Variants in GIMD1 observed in about 807,000 individuals in gnomAD.
GIMD1 encodes the protein GIMAP family P-loop NTPase domain containing 1.
Under a neutral mutation model 14.9 loss-of-function variants are expected in GIMD1, and 14 were observed. The observed-to-expected ratio is 0.94, with a 90% CI of 0.62 to 1.47. The LOEUF is 1.47. Ranked by LOEUF, GIMD1 falls within the 40% of genes most tolerant of loss-of-function variation. The pLI is 0.00. For missense variants in GIMD1, 272 were observed against 255.3 expected (o/e 1.07, Z -0.44); for synonymous variants, 91 against 90.5 (o/e 1.01, Z -0.03).
Position 106,367,298 on chromosome 4 carries a change from A to T in GIMD1, c.138T>A (p.Cys46Ter), listed in dbSNP as rs755317559. 3.9e-5 allele frequency: 60 copies of T among 1,535,876 alleles called. No individual in the cohort carries two copies. Among genetic ancestry groups the T allele is most frequent in the Non-Finnish European group, 5.2e-5 (60 of 1,146,856 alleles). The change falls in exon 2 of 3, where the codon TGT becomes TGA. Residue 46 changes from cysteine to a stop codon, truncating the protein, a stop_gained. Transcript: ENST00000638719. LOFTEE classifies it high-confidence loss of function. ...GGTGACAACTGCGGCCCAGGCTACA[A>T]CATGTGGTCACAGAACAGGGAGCAA... ...SSFAPCSVTT[C>*]CSLGRSCHLH...
chr4:106,366,642 C>T lies in GIMD1; in HGVS notation c.393+401G>A, dbSNP rs138332588. On this transcript the variant is annotated intron_variant, in intron 2 of 2. Coordinates refer to ENST00000638719, the MANE Select transcript of GIMD1 (RefSeq NM_001195138.2). ...CCACTCCTGAGATTCTGTTTCAGTA[C>T]GTTTTGGATCAATCTTCTTTAACAA... Among the ~76,000 whole-genome samples the T allele has an allele frequency of 2.1e-3, 313 of 152,174 alleles. 3 individuals carry two copies. The highest frequency in any genetic ancestry group is 7.1e-3 in the African/African-American group (295 of 41,542).
intron 2 of GIMD1, among the ~76,000 whole-genome samples, chr4:106,362,910 G>A (rs890440912): frequency 1.3e-5 from 2 of 151,996 alleles, no homozygotes; most frequent in Non-Finnish European, 2.9e-5. Context: ...GACTTACGGT[G>A]TTAAATGACT....
intron 2 of GIMD1, among the ~76,000 whole-genome samples, chr4:106,363,258 T>TTTACCG (rs1421669832): frequency 6.6e-6 from 1 of 152,108 alleles, no homozygotes; most frequent in African/African-American, 2.4e-5. Flanking sequence ...AGCTATATCA[T>TTTACCG]TTACCGTTGA....
intron 2 of GIMD1, 25 bp from the exon 3 acceptor site, chr4:106,358,468 A>T: frequency 1.1e-5 from 17 of 1,483,834 alleles, no homozygotes; most frequent in Non-Finnish European, 1.4e-5. Flanking sequence ...TTAGATAACT[A>T]TTGAACTTGA....
At chr4:106,362,510 G>A (rs913617773) in intron 2 of GIMD1, among the ~76,000 whole-genome samples, 1 of 152,056 alleles carries the variant, frequency 6.6e-6, no homozygotes, top group Non-Finnish European at 1.5e-5. Flanking sequence ...TAATGGGTAT[G>A]AGTCCATTTA....
chr4:106,358,498 A>G, intron 2 of GIMD1, 55 bp from the exon 3 acceptor site: 1 of 1,351,438 alleles, frequency 7.4e-7, no homozygotes, highest in Non-Finnish European at 9.8e-7. Context: ...CTCAAAAATG[A>G]GCAAAGGATT....
At chr4:106,362,224 A>G (rs924925098) in intron 2 of GIMD1, among the ~76,000 whole-genome samples, 1 of 152,132 alleles carries the variant, frequency 6.6e-6, no homozygotes, top group Non-Finnish European at 1.5e-5. Context: ...AAAACAGAAG[A>G]GAGTGGTTGA....
Position 106,361,004 on chromosome 4 carries a change from G to T in GIMD1, c.394-2561C>A, listed in dbSNP as rs922158183. Among the ~76,000 whole-genome samples the T allele has an allele frequency of 5.3e-5, 8 of 152,032 alleles. 1 individual carries two copies. Among genetic ancestry groups the T allele is most frequent in the Admixed American group, 2.6e-4 (4 of 15,220 alleles). ...TAAAGTACTAAGTATATTAGATCTG[G>T]CCTCTGGGAATACAGCAATCCCTGG... On this transcript the variant is annotated intron_variant, in intron 2 of 2. Coordinates refer to ENST00000638719, the MANE Select transcript of GIMD1 (RefSeq NM_001195138.2).
chr4:106,366,102 G>T (rs1450790129), intron 2 of GIMD1, among the ~76,000 whole-genome samples: 1 of 152,046 alleles, frequency 6.6e-6, no homozygotes, highest in Admixed American at 6.6e-5. Context: ...AATTGGAATA[G>T]ACCACCAGGG....
intron 2 of GIMD1, among the ~76,000 whole-genome samples, chr4:106,360,816 C>G (rs904632995): frequency 7.9e-5 from 12 of 152,122 alleles, no homozygotes; most frequent in African/African-American, 2.6e-4. Context: ...AACAGATCTT[C>G]TCTCACAGCT....
At chr4:106,365,326 G>A (rs1211864463) in intron 2 of GIMD1, among the ~76,000 whole-genome samples, 1 of 150,526 alleles carries the variant, frequency 6.6e-6, no homozygotes, top group African/African-American at 2.4e-5. Flanking sequence ...TACATGATGA[G>A]CATTTTTTAT....
chr4:106,361,435 A>C (rs1386798043), intron 2 of GIMD1, among the ~76,000 whole-genome samples: 1 of 152,078 alleles, frequency 6.6e-6, no homozygotes, highest in East Asian at 1.9e-4. Flanking sequence ...TGATGCAGTC[A>C]CCAGATTCTT....
At chr4:106,358,486 T>G (rs776818258) in intron 2 of GIMD1, 43 bp from the exon 3 acceptor site, 2 of 1,418,696 alleles carry the variant, frequency 1.4e-6, no homozygotes, top group South Asian at 2.9e-5. Flanking sequence ...TGAACTATAT[T>G]CCTCAAAAAT....
chr4:106,357,687 A>G lies in GIMD1; in HGVS notation c.*496T>C, dbSNP rs1256801961. On this transcript the variant is annotated 3_prime_UTR_variant, in exon 3 of 3. Transcript: ENST00000638719. ...TTTACTGTTTTTGAACTTTCTGCACATGGAATCATGGAGTATGTACTCTTT... is the reference window on the plus strand; with the variant it reads ...TTTACTGTTTTTGAACTTTCTGCACGTGGAATCATGGAGTATGTACTCTTT... 3 of 152,354 alleles carry G rather than the reference A, an allele frequency of 2.0e-5. No individual in the cohort carries two copies. The highest frequency in any genetic ancestry group is 2.0e-4 in the Admixed American group (3 of 15,296). The allele number at this position is 152,354 out of a possible 1,614,324, so 9.4% of individuals were successfully genotyped here.
chr4:106,363,408 T>C (rs1205963459), intron 2 of GIMD1, among the ~76,000 whole-genome samples: 3 of 152,110 alleles, frequency 2.0e-5, no homozygotes, highest in African/African-American at 7.2e-5. Context: ...AGAACCCATC[T>C]CGTAATCTCT....
At position 106,358,393 on chromosome 4, in the gene GIMD1, A is replaced by C; in HGVS notation, c.444T>G (p.His148Gln). 2.0e-6 allele frequency: 3 copies of C among 1,530,458 alleles called. No individual in the cohort carries two copies. In the South Asian group the frequency reaches 3.6e-5, roughly 18 times the overall value. 94.8% of individuals were successfully genotyped at this position (1,530,458 alleles called of 1,614,324 possible). A position where few individuals can be genotyped will look rare whatever the true frequency, so the allele number is the denominator to read the frequency against. ...WMNYTAILFT[H>Q]AEKIEEAGLT... is the part of the protein sequence containing the mutation. ...GCCCAGCCTCTTCTATTTTTTCTGC[A>C]TGGGTAAAAAGAATGGCTGTGTAAT... is the stretch of plus-strand genomic sequence containing the variant. Residue 148 changes from histidine to glutamine, a missense_variant, in exon 3 of 3, where the codon CAT (histidine) becomes CAG (glutamine). Coordinates refer to ENST00000638719, the MANE Select transcript of GIMD1 (RefSeq NM_001195138.2).
intron 2 of GIMD1, among the ~76,000 whole-genome samples, chr4:106,362,023 A>G (rs541244533): frequency 4.3e-4 from 65 of 152,182 alleles, no homozygotes; most frequent in Admixed American, 1.5e-3. Flanking sequence ...TCCACCAGAC[A>G]TTTCCCATAC....
At chr4:106,366,963 T>A (rs560239805) in intron 2 of GIMD1, 80 bp downstream of exon 2, 3,288 of 323,842 alleles carry the variant, frequency 0.01, 85 homozygotes, top group African/African-American at 0.061. Context: ...AATAATATTA[T>A]TATTATTATT....
In GIMD1 at chr4:106,368,525, C is replaced by T. The variant is rs539426976; in HGVS notation, c.-3+185G>A. ...CGCTAACGTGAACACCTTGAAGGAG[C>T]TTCATACCTCCATAAAAAGACACTC... is the stretch of plus-strand genomic sequence containing the variant. On this transcript the variant is annotated intron_variant, in intron 1 of 2. Transcript: ENST00000638719. Among the ~76,000 whole-genome samples, 39 of 152,156 alleles carry T rather than the reference C, an allele frequency of 2.6e-4. 1 individual carries two copies. The highest frequency in any genetic ancestry group is 1.3e-4 in the Non-Finnish European group (9 of 68,034).
Sources: allele counts gnomAD v4.1 joint callset (sites outside exome capture counted in the v4.1 genomes callset), GRCh38; gene constraint gnomAD v4.1.1; transcripts MANE v1.5; gene names NCBI Gene and HGNC (gene_info 2026-07-23, HGNC 2026-07-21).